RNF24: variants seen among roughly 807,000 people sequenced by gnomAD.
RNF24 encodes the protein ring finger protein 24.
RNF24 carries 14 observed loss-of-function variants against 20.0 expected under a neutral mutation model. The ratio of observed to expected loss-of-function variants is 0.70; its 90% CI spans 0.46 to 1.10. The LOEUF is 1.10. Ranked by LOEUF, RNF24 falls within the 50% of genes least tolerant of loss-of-function variation. The pLI is 0.00. For synonymous variants in RNF24, 45 were observed against 61.1 expected (o/e 0.74, Z 1.23); for missense variants, 124 against 177.6 (o/e 0.70, Z 1.71).
At chr20:3,992,520 T>C (rs1980530254) in intron 1 of RNF24, among the ~76,000 whole-genome samples, 1 of 149,198 alleles carries the variant, frequency 6.7e-6, no homozygotes, top group Non-Finnish European at 1.5e-5. Flanking sequence ...CTTCAGTATT[T>C]TGTCTTTTTT....
intron 2 of RNF24, among the ~76,000 whole-genome samples, chr20:3,962,182 AT>A (rs1252311933): frequency 2.6e-5 from 4 of 151,996 alleles, no homozygotes; most frequent in Non-Finnish European, 5.9e-5. Context: ...GCAAATCCCC[AT>A]TTCTACCAAA....
At position 3,933,784 on chromosome 20, in the gene RNF24, T is replaced by A. The variant is rs909362012; in HGVS notation, c.*279A>T. ...GGAGATGAGGCTCCAGGAGAGAGAG[T>A]GTAATGGAGTTAGTAAGAGACCCTC... On this transcript the variant is annotated 3_prime_UTR_variant, in exon 6 of 6. Coordinates refer to ENST00000358395, the MANE Select transcript of RNF24 (RefSeq NM_001134337.3). 5.8e-4 allele frequency: 151 copies of A among 260,172 alleles called. 1 individual carries two copies. The highest frequency in any genetic ancestry group is 1.2e-3 in the Middle Eastern group (1 of 864). The allele number at this position is 260,172 out of a possible 1,614,324, so 16.1% of individuals were successfully genotyped here.
chr20:3,932,890 C>T lies in RNF24; in HGVS notation c.*1173G>A, dbSNP rs1050014395. 3 of 398,426 alleles carry T rather than the reference C, an allele frequency of 7.5e-6. No individual in the cohort carries two copies. Among genetic ancestry groups the T allele is most frequent in the African/African-American group, 6.2e-5 (3 of 48,610 alleles). 24.7% of individuals were successfully genotyped at this position (398,426 alleles called of 1,614,324 possible). ...CCAAAGAGCAGCATGCGTTTCTCTC[C>T]TATAAAGACACTTTCACTTTCAGTT... On this transcript the variant is annotated 3_prime_UTR_variant, in exon 6 of 6. Coordinates refer to ENST00000358395, the MANE Select transcript of RNF24 (RefSeq NM_001134337.3).
intron 1 of RNF24, among the ~76,000 whole-genome samples, chr20:3,987,698 G>A (rs373590621): frequency 7.2e-5 from 11 of 152,138 alleles, no homozygotes; most frequent in African/African-American, 2.7e-4. Context: ...TAGAGGATTC[G>A]ATGAGCCACA....
intron 1 of RNF24, among the ~76,000 whole-genome samples, chr20:4,006,158 C>T (rs1209948014): frequency 6.6e-6 from 1 of 152,106 alleles, no homozygotes; most frequent in Non-Finnish European, 1.5e-5. Context: ...GGGTAGAACA[C>T]CTGAGGTCAA....
chr20:3,955,432 A>T (rs1056709549), intron 2 of RNF24, among the ~76,000 whole-genome samples: 12 of 152,166 alleles, frequency 7.9e-5, no homozygotes, highest in African/African-American at 2.9e-4. Flanking sequence ...TTTGCATATC[A>T]ATTTGTCATA....
chr20:3,986,053 A>AG (rs557444265), intron 1 of RNF24, among the ~76,000 whole-genome samples: 2 of 151,158 alleles, frequency 1.3e-5, no homozygotes, highest in Non-Finnish European at 3.0e-5. Flanking sequence ...ATGCCTGGCC[A>AG]TTTTCTCTAT....
chr20:3,997,430 AT>A (rs746247068), intron 1 of RNF24, among the ~76,000 whole-genome samples: 365 of 141,724 alleles, frequency 2.6e-3, no homozygotes, highest in Middle Eastern at 3.6e-3. Context: ...AAAATACAGG[AT>A]TTTTTTTTTT....
chr20:3,935,191 T>A lies in RNF24; in HGVS notation c.229-118A>T, dbSNP rs2090876000. On this transcript the variant is annotated intron_variant, in intron 4 of 5. Coordinates refer to ENST00000358395, the MANE Select transcript of RNF24 (RefSeq NM_001134337.3). ...GAAGGGACTCATGAGACTCTTATCT[T>A]AAAAAAAAAAGAAATGAATGAATAA... is the stretch of plus-strand genomic sequence containing the variant. The A allele has an allele frequency of 1.7e-6, 1 of 572,372 alleles. No homozygotes were observed. Among genetic ancestry groups the A allele is most frequent in the Non-Finnish European group, 3.0e-6 (1 of 332,470 alleles). The allele number at this position is 572,372 out of a possible 1,614,324, so 35.5% of individuals were successfully genotyped here.
In RNF24 at chr20:3,930,762, A is replaced by T. The variant is rs2090811504; in HGVS notation, c.*3301T>A. 1 of 152,294 alleles carries T rather than the reference A, an allele frequency of 6.6e-6. No individual in the cohort carries two copies. Among genetic ancestry groups the T allele is most frequent in the East Asian group, 1.9e-4 (1 of 5,202 alleles). The allele number at this position is 152,294 out of a possible 1,614,324, so 9.4% of individuals were successfully genotyped here. ...TGATTTTGAAGTGGGGTTGTGAAAA[A>T]GGACAAGGCCCGAGGCTATTTCTCT... is the stretch of plus-strand genomic sequence containing the variant. On this transcript the variant is annotated 3_prime_UTR_variant, in exon 6 of 6. Transcript: ENST00000358395.
chr20:3,961,344 T>G (rs2091199671), intron 2 of RNF24, among the ~76,000 whole-genome samples: 1 of 150,840 alleles, frequency 6.6e-6, no homozygotes, highest in African/African-American at 2.4e-5. Context: ...GAGGCTTTGG[T>G]GAGCCTCATG....
At chr20:3,970,108 G>A (rs1246496557) in intron 1 of RNF24, among the ~76,000 whole-genome samples, 2 of 152,012 alleles carry the variant, frequency 1.3e-5, no homozygotes, top group African/African-American at 4.8e-5. Flanking sequence ...TCCTCAATGG[G>A]GTGATGACAG....
intron 2 of RNF24, among the ~76,000 whole-genome samples, chr20:3,958,893 C>A (rs563504618): frequency 6.6e-6 from 1 of 152,222 alleles, no homozygotes. Context: ...CCACCTAGCT[C>A]GGTCTCCCAA....
chr20:3,946,197 T>C (rs2091014456), intron 3 of RNF24, among the ~76,000 whole-genome samples: 1 of 152,170 alleles, frequency 6.6e-6, no homozygotes, highest in South Asian at 2.1e-4. Flanking sequence ...CCAGGCACGG[T>C]AGCTCATGCC....
chr20:3,934,119 T>G lies in RNF24; in HGVS notation c.391A>C (p.Lys131Gln). The change falls in exon 6 of 6, where the codon AAG (lysine) becomes CAG (glutamine). Residue 131 changes from lysine (K) to glutamine (Q), a missense_variant. Coordinates refer to ENST00000358395, the MANE Select transcript of RNF24 (RefSeq NM_001134337.3). This position sits in a 1 kb window ranked among gnomAD's most constrained non-coding sequence, Gnocchi z 4.0. ...PVLQLAQLHS[K>Q]QDRGPPQGPL... ...CCCTGAGGGGGTCCACGGTCCTGCT[T>G]ACTGTGCAACTGGGCCAGCTGTAGA... The G allele has an allele frequency of 6.3e-7, 1 of 1,576,862 alleles. No homozygotes were observed. The highest frequency in any genetic ancestry group is 8.6e-7 in the Non-Finnish European group (1 of 1,162,650).
chr20:3,944,500 C>T (rs1205216028), intron 4 of RNF24, among the ~76,000 whole-genome samples: 2 of 152,096 alleles, frequency 1.3e-5, no homozygotes, highest in Admixed American at 6.5e-5. Flanking sequence ...CAAGTCCTTG[C>T]TTTAAACACC....
intron 2 of RNF24, among the ~76,000 whole-genome samples, chr20:3,956,043 C>T (rs111369248): frequency 1.1e-4 from 16 of 151,940 alleles, no homozygotes; most frequent in African/African-American, 2.9e-4. Flanking sequence ...GTGGATCCTA[C>T]GGGATTTTCT....
chr20:3,946,483 T>C (rs945939747), intron 3 of RNF24, among the ~76,000 whole-genome samples: 3 of 150,860 alleles, frequency 2.0e-5, no homozygotes, highest in African/African-American at 4.9e-5. Flanking sequence ...ACAAAACAGA[T>C]TATGATAGGA....
intron 1 of RNF24, among the ~76,000 whole-genome samples, chr20:4,010,374 AAATAAT>A (rs942303866): frequency 1.3e-5 from 2 of 152,124 alleles, no homozygotes; most frequent in Non-Finnish European, 2.9e-5. Context: ...CTCCATCTCA[AAATAAT>A]AATAATAATA....
Sources: gnomAD v4.1 joint callset for allele counts (sites outside exome capture counted in the v4.1 genomes callset) on GRCh38, gnomAD v4.1.1 for gene constraint, Gnocchi (gnomAD v3.1) non-coding constraint, MANE v1.5 for transcripts, NCBI Gene and HGNC (gene_info 2026-07-23, HGNC 2026-07-21) for gene names.